Variants in TNN observed in about 807,000 individuals in gnomAD.
TNN encodes the protein tenascin N.
In TNN, 122 loss-of-function variants were observed where a neutral mutation model predicts 134.4. That is an observed-to-expected ratio of 0.91 (90% CI 0.78 to 1.06). The LOEUF is 1.06. Ranked by LOEUF, TNN falls within the 50% of genes least tolerant of loss-of-function variation. The pLI, the probability that TNN is intolerant of heterozygous loss-of-function variation, is 0.00. For missense variants in TNN, 1,739 were observed against 1,699.4 expected (o/e 1.02, Z -0.41); for synonymous variants, 710 against 670.3 (o/e 1.06, Z -0.91).
chr1:175,091,220 G>T (rs1674437902), intron 6 of TNN, among the ~76,000 whole-genome samples: 2 of 152,256 alleles, frequency 1.3e-5, no homozygotes, highest in Non-Finnish European at 2.9e-5. Context: ...GCTCTGTGAA[G>T]AGCCCCTTCT....
chr1:175,098,841 T>C lies in TNN; in HGVS notation c.2119+246T>C, dbSNP rs80245715. Among the ~76,000 whole-genome samples the C allele has an allele frequency of 2.0e-5, 3 of 152,312 alleles. No homozygotes were observed. In the East Asian group the frequency reaches 5.8e-4, roughly 29 times the overall value. Reference sequence around the variant, plus strand: ...CATAGTTCTTTGTTCTTTCTTTGCCTGAGTACCTTTGTCATTAACACACTA... The same window carrying C: ...CATAGTTCTTTGTTCTTTCTTTGCCCGAGTACCTTTGTCATTAACACACTA... On this transcript the variant is annotated intron_variant, in intron 9 of 18. Transcript: ENST00000239462.
At chr1:175,130,337 G>A (rs750440891) in intron 15 of TNN, among the ~76,000 whole-genome samples, 7 of 152,220 alleles carry the variant, frequency 4.6e-5, no homozygotes, top group Non-Finnish European at 8.8e-5. Context: ...TCTGCACAGC[G>A]ACATCTGACG....
At chr1:175,128,813 T>C (rs1675601724) in intron 15 of TNN, 67 bp downstream of exon 15, 2 of 1,519,312 alleles carry the variant, frequency 1.3e-6, no homozygotes, top group East Asian at 2.4e-5. Flanking sequence ...ATGCCGGTCA[T>C]GGATGCTCCA....
intron 9 of TNN, among the ~76,000 whole-genome samples, chr1:175,112,968 A>G (rs1301732911): frequency 6.6e-6 from 1 of 152,048 alleles, no homozygotes; most frequent in Non-Finnish European, 1.5e-5. Context: ...ATTTACATCC[A>G]AGGTTATTAT....
chr1:175,145,549 T>A (rs1216365432), intron 18 of TNN, among the ~76,000 whole-genome samples: 1 of 5,966 alleles, frequency 1.7e-4, no homozygotes, highest in Non-Finnish European at 4.3e-4. Context: ...CAAGACCCTG[T>A]CTCAAAAAAA....
In TNN at chr1:175,079,399, A is replaced by G. The variant is rs753188725; in HGVS notation, c.476A>G (p.Glu159Gly). ...SLETCSCHCE[E>G]GREGPACERL... ...GAGACCTGCAGCTGCCACTGCGAAGAGGGCAGGGAGGGCCCCGCCTGCGAG... is the reference window on the plus strand; with the variant it reads ...GAGACCTGCAGCTGCCACTGCGAAGGGGGCAGGGAGGGCCCCGCCTGCGAG... The change falls in exon 3 of 19, where the codon GAG becomes GGG. Residue 159 changes from glutamate (E) to glycine (G), a missense_variant. Coordinates refer to ENST00000239462, the MANE Select transcript of TNN (RefSeq NM_022093.2). 6.3e-7 allele frequency: 1 copy of G among 1,595,632 alleles called. No homozygotes were observed. The highest frequency in any genetic ancestry group is 1.7e-5 in the Admixed American group (1 of 58,616).
intron 9 of TNN, among the ~76,000 whole-genome samples, chr1:175,099,955 C>T (rs979643306): frequency 2.6e-5 from 4 of 152,122 alleles, no homozygotes; most frequent in Non-Finnish European, 4.4e-5. Flanking sequence ...CTAGGTGGTC[C>T]TCTTGGACAG....
At chr1:175,134,544 C>CAA (rs33947435) in intron 15 of TNN, among the ~76,000 whole-genome samples, 89,978 of 145,768 alleles carry the variant, frequency 0.62, 28,482 homozygotes, top group Non-Finnish European at 0.65. Flanking sequence ...GACTCCATCT[C>CAA]AAAAAACAAA....
chr1:175,106,751 G>A lies in TNN; in HGVS notation c.2119+8156G>A, dbSNP rs772101881. ...TCAACCAACATGTTGTCGGGACCCC[G>A]GAGATGCATGGCTTTCCTCACTGTC... On this transcript the variant is annotated intron_variant, in intron 9 of 18. Coordinates refer to ENST00000239462, the MANE Select transcript of TNN (RefSeq NM_022093.2). Among the ~76,000 whole-genome samples, 34 of 145,744 alleles carry A rather than the reference G, an allele frequency of 2.3e-4. 4 individuals are homozygous for A. Among genetic ancestry groups the A allele is most frequent in the South Asian group, 2.1e-3 (9 of 4,326 alleles).
chr1:175,103,948 C>T (rs1674791850), intron 9 of TNN, among the ~76,000 whole-genome samples: 1 of 145,410 alleles, frequency 6.9e-6, no homozygotes, highest in Admixed American at 7.0e-5. Context: ...CTTCCAATGC[C>T]CAGACTTCAG....
In TNN at chr1:175,117,137, ACACGGTG is replaced by A; in HGVS notation, c.2323_2329del (p.Val775CysfsTer32). 1 of 1,614,276 alleles carries A rather than the reference ACACGGTG, an allele frequency of 6.2e-7. No individual in the cohort carries two copies. ...ACGGGCCTGAGGCCGGGTGTGGAGT[ACACGGTG>A]CACGTGTGGGCCCAGAAGGGGGCCC... On this transcript the variant is annotated frameshift_variant, in exon 10 of 19. Transcript: ENST00000239462. LOFTEE classifies it high-confidence loss of function.
chr1:175,078,104 C>T lies in TNN; in HGVS notation c.409+277C>T, dbSNP rs116415487. 2.7e-3 allele frequency among the ~76,000 whole-genome samples: 406 copies of T among 152,234 alleles called. 3 individuals are homozygous for T. The highest frequency in any genetic ancestry group is 9.2e-3 in the African/African-American group (382 of 41,538). On this transcript the variant is annotated intron_variant, in intron 2 of 18. Coordinates refer to ENST00000239462, the MANE Select transcript of TNN (RefSeq NM_022093.2). ...TCCAGATGGGAATGCTTCCAGGAGC[C>T]GTCATACCTGTGAATCAAAGCGCTA... is the stretch of plus-strand genomic sequence containing the variant.
chr1:175,070,400 T>C (rs1282968598), intron 1 of TNN, among the ~76,000 whole-genome samples: 1 of 152,192 alleles, frequency 6.6e-6, no homozygotes, highest in East Asian at 1.9e-4. Flanking sequence ...ATCCTTGATC[T>C]TTTCAAGCCT....
chr1:175,102,775 C>T (rs1674761005), intron 9 of TNN, among the ~76,000 whole-genome samples: 1 of 146,416 alleles, frequency 6.8e-6, no homozygotes, highest in African/African-American at 2.5e-5. Context: ...CTGAAGGGCT[C>T]CTCAAATGCT....
intron 1 of TNN, 23 bp from the exon 2 acceptor site, chr1:175,077,360 CT>C: frequency 6.5e-7 from 1 of 1,528,226 alleles, no homozygotes; most frequent in Non-Finnish European, 8.8e-7. Context: ...CCGTGGCTTT[CT>C]TTTGCAATGT....
intron 17 of TNN, among the ~76,000 whole-genome samples, chr1:175,140,826 C>T (rs887502019): frequency 1.1e-4 from 16 of 152,148 alleles, no homozygotes; most frequent in African/African-American, 3.4e-4. Flanking sequence ...GGAGTTTTAG[C>T]GTTCCTTATG....
At chr1:175,096,104 G>C (rs1197334024) in intron 7 of TNN, among the ~76,000 whole-genome samples, 1 of 152,226 alleles carries the variant, frequency 6.6e-6, no homozygotes, top group Non-Finnish European at 1.5e-5. Flanking sequence ...AGTGAGTTAT[G>C]TTCTAGAGCA....
chr1:175,118,539 T>A, intron 10 of TNN, 22 bp from the exon 11 acceptor site: 1 of 1,606,710 alleles, frequency 6.2e-7, no homozygotes, highest in Non-Finnish European at 8.5e-7. Context: ...TAGTGCATAT[T>A]GGTCAGCATT....
intron 1 of TNN, among the ~76,000 whole-genome samples, chr1:175,073,690 C>T (rs6683495): frequency 0.28 from 43,289 of 152,012 alleles, 6,244 homozygotes; most frequent in South Asian, 0.33. Context: ...CTGCCTGGGG[C>T]GAGGTGAGGG....
Sources: allele counts gnomAD v4.1 joint callset (sites outside exome capture counted in the v4.1 genomes callset), GRCh38; gene constraint gnomAD v4.1.1; transcripts MANE v1.5; gene names NCBI Gene and HGNC (gene_info 2026-07-23, HGNC 2026-07-21).